Variants in CHN1 observed in about 807,000 individuals in gnomAD.
CHN1 encodes chimerin 1, also known as N-chimaerin.
A neutral mutation model predicts 59.5 loss-of-function variants in CHN1; 37 were observed. The ratio of observed to expected loss-of-function variants is 0.62; its 90% CI spans 0.48 to 0.82. CHN1 has a LOEUF of 0.82. CHN1 is among the 40% of genes least tolerant of loss of function. The probability of loss-of-function intolerance (pLI) is 0.00; values close to 1 mark genes in which losing one functional copy is unlikely to be tolerated. For synonymous variants in CHN1, 206 were observed against 200.4 expected (o/e 1.03, Z -0.24); for missense variants, 469 against 571.0 (o/e 0.82, Z 1.82).
At chr2:174,933,627 A>C (rs1689415984) in intron 3 of CHN1, among the ~76,000 whole-genome samples, 2 of 152,238 alleles carry the variant, frequency 1.3e-5, no homozygotes, top group Non-Finnish European at 2.9e-5. Flanking sequence ...TCTACAAAAG[A>C]AAGCAAAGAA....
intron 1 of CHN1, among the ~76,000 whole-genome samples, chr2:174,971,433 A>G (rs1690757344): frequency 6.6e-6 from 1 of 152,238 alleles, no homozygotes; most frequent in Non-Finnish European, 1.5e-5. Flanking sequence ...TTCAGTAAAT[A>G]GCAACACATA....
intron 8 of CHN1, among the ~76,000 whole-genome samples, chr2:174,818,878 T>C (rs2600711): frequency 0.015 from 2,351 of 152,294 alleles, 59 homozygotes; most frequent in African/African-American, 0.053. Flanking sequence ...TTGAAAGGAA[T>C]AGCTGATACT....
In CHN1 at chr2:174,931,739, T is replaced by C. The variant is rs149571859; in HGVS notation, c.114+13149A>G. Among the ~76,000 whole-genome samples, 59 of 152,292 alleles carry C rather than the reference T, an allele frequency of 3.9e-4. 2 individuals carry two copies. In the East Asian group the frequency reaches 0.01, roughly 27 times the overall value. On this transcript the variant is annotated intron_variant, in intron 3 of 12. Coordinates refer to ENST00000409900, the MANE Select transcript of CHN1 (RefSeq NM_001822.7). Reference sequence around the variant, plus strand: ...TGGGAATGCTGGGGGGATGATAAAGTATAATTCCTAATATAGTGGTCACAA... The same window carrying C: ...TGGGAATGCTGGGGGGATGATAAAGCATAATTCCTAATATAGTGGTCACAA...
At chr2:174,810,515 G>C (rs958957132) in intron 10 of CHN1, among the ~76,000 whole-genome samples, 3 of 152,200 alleles carry the variant, frequency 2.0e-5, no homozygotes, top group Admixed American at 6.5e-5. Flanking sequence ...GAGACTCATA[G>C]CCAGAGGCTG....
At chr2:174,953,984 T>C (rs1045732043) in intron 1 of CHN1, among the ~76,000 whole-genome samples, 8 of 152,022 alleles carry the variant, frequency 5.3e-5, no homozygotes, top group African/African-American at 1.2e-4. Context: ...TGCACAGCCA[T>C]AGCAAGACTA....
chr2:174,885,435 GATGACCT>G (rs769862508), intron 5 of CHN1, among the ~76,000 whole-genome samples: 118 of 152,122 alleles, frequency 7.8e-4, no homozygotes, highest in Non-Finnish European at 1.5e-3. Context: ...GTCTTAGTGT[GATGACCT>G]ATATAATATG....
At chr2:174,990,282 A>C (rs1287539079) in intron 1 of CHN1, among the ~76,000 whole-genome samples, 5 of 88,390 alleles carry the variant, frequency 5.7e-5, no homozygotes, top group Admixed American at 1.8e-4. Flanking sequence ...AGAGAGAGAG[A>C]GAGAGCGCGA....
chr2:174,953,493 TTGCTGA>T (rs1478335704), intron 1 of CHN1, among the ~76,000 whole-genome samples: 1 of 152,170 alleles, frequency 6.6e-6, no homozygotes, highest in Non-Finnish European at 1.5e-5. Flanking sequence ...CTGTTGTTGT[TTGCTGA>T]TGACATGATC....
chr2:174,971,319 TAAAA>T (rs1263156674), intron 1 of CHN1, among the ~76,000 whole-genome samples: 1 of 151,354 alleles, frequency 6.6e-6, no homozygotes, highest in South Asian at 2.1e-4. Flanking sequence ...CTCCGTCTCT[TAAAA>T]AAAAAGTCAT....
intron 6 of CHN1, among the ~76,000 whole-genome samples, chr2:174,877,361 C>T (rs1687598237): frequency 6.6e-6 from 1 of 151,754 alleles, no homozygotes; most frequent in African/African-American, 2.4e-5. Context: ...TGACTGACTC[C>T]CAAAATGTGT....
intron 8 of CHN1, among the ~76,000 whole-genome samples, chr2:174,821,219 T>C (rs1685484084): frequency 6.6e-6 from 1 of 152,196 alleles, no homozygotes; most frequent in South Asian, 2.1e-4. Flanking sequence ...GCATTTCTTC[T>C]GGAGGCTTAG....
intron 6 of CHN1, chr2:174,875,829 T>C (rs770541630): frequency 1.5e-5 from 15 of 985,592 alleles, no homozygotes; most frequent in Non-Finnish European, 1.7e-5. Flanking sequence ...TTTCAAGCTG[T>C]TGAACAGGTC....
intron 7 of CHN1, among the ~76,000 whole-genome samples, chr2:174,839,708 A>T (rs1026417631): frequency 1.3e-5 from 2 of 151,554 alleles, no homozygotes; most frequent in African/African-American, 4.9e-5. Flanking sequence ...GGCCCCAGTG[A>T]TCCTCTCACC....
At chr2:174,896,211 G>T (rs1688213648) in intron 5 of CHN1, among the ~76,000 whole-genome samples, 1 of 152,030 alleles carries the variant, frequency 6.6e-6, no homozygotes, top group Non-Finnish European at 1.5e-5. Context: ...TCCTGAGGTA[G>T]AACTGAATAC....
At chr2:174,926,915 G>A (rs963957342) in intron 3 of CHN1, among the ~76,000 whole-genome samples, 24 of 151,850 alleles carry the variant, frequency 1.6e-4, no homozygotes, top group African/African-American at 5.3e-4. Flanking sequence ...CCGCCACCAC[G>A]CCCAGCTAAT....
At chr2:174,810,769 A>C (rs1574041485) in intron 10 of CHN1, 1 of 151,908 alleles carries the variant, frequency 6.6e-6, no homozygotes, top group Non-Finnish European at 1.5e-5. Flanking sequence ...TGAATGGGAG[A>C]GGTTTGTGTG....
Position 175,004,996 on chromosome 2 carries a change from C to T in CHN1, c.-84G>A, listed in dbSNP as rs1692018057. On this transcript the variant is annotated 5_prime_UTR_variant, in exon 1 of 13. In the 5' UTR this introduces an upstream ATG that the reference lacks. Transcript: ENST00000409900. ...TCACCTCATCAGCCCGCCGCACCCA[C>T]ACCTCGGAGAGAGTGGGGTGCCCGA... is the stretch of plus-strand genomic sequence containing the variant. 6.7e-7 allele frequency: 1 copy of T among 1,502,406 alleles called. No individual in the cohort carries two copies. Among genetic ancestry groups the T allele is most frequent in the East Asian group, 2.7e-5 (1 of 37,578 alleles). The allele number at this position is 1,502,406 out of a possible 1,614,324, so 93.1% of individuals were successfully genotyped here.
chr2:174,881,046 CAAA>C (rs34149509), intron 5 of CHN1, among the ~76,000 whole-genome samples: 1 of 81,940 alleles, frequency 1.2e-5, no homozygotes, highest in Admixed American at 1.4e-4. Flanking sequence ...AACTCCATCT[CAAA>C]AAAAAAAAAA....
At chr2:174,841,538 TACATACTGA>T (rs1686302226) in intron 7 of CHN1, among the ~76,000 whole-genome samples, 1 of 152,210 alleles carries the variant, frequency 6.6e-6, no homozygotes, top group Non-Finnish European at 1.5e-5. Flanking sequence ...GAACCTATGC[TACATACTGA>T]TCTGCGCTAT....
Sources: allele counts gnomAD v4.1 joint callset (sites outside exome capture counted in the v4.1 genomes callset), GRCh38; gene constraint gnomAD v4.1.1; transcripts MANE v1.5; gene names NCBI Gene and HGNC (gene_info 2026-07-23, HGNC 2026-07-21).